The following KIF6 variants were observed in gnomAD, a reference collection of about 807,000 sequenced individuals.
KIF6 encodes kinesin-like protein KIF6.
In KIF6, 106 loss-of-function variants were observed where a neutral mutation model predicts 112.7. The observed-to-expected ratio is 0.94, with a 90% confidence interval of 0.80 to 1.11. The LOEUF (loss-of-function observed/expected upper bound fraction) is 1.11, where lower values mean the gene tolerates loss of function less well. KIF6 is among the 50% of genes least tolerant of loss of function. The pLI is 0.00. For missense variants in KIF6, 929 were observed against 964.0 expected (o/e 0.96, Z 0.48); for synonymous variants, 339 against 339.9 (o/e 1.00, Z 0.03).
At chr6:39,431,202 A>G (rs1771132283) in intron 13 of KIF6, 41 bp from the exon 14 acceptor site, 1 of 1,159,428 alleles carries the variant, frequency 8.6e-7, no homozygotes, top group Non-Finnish European at 1.3e-6. Flanking sequence ...TCACAGCATC[A>G]GGATCCTATT....
chr6:39,385,911 A>G (rs1581735073), intron 15 of KIF6, among the ~76,000 whole-genome samples: 3 of 152,210 alleles, frequency 2.0e-5, no homozygotes, highest in Admixed American at 6.5e-5. Flanking sequence ...CTTGAGTTCA[A>G]TCATCTTAGG....
At chr6:39,495,713 C>CT (rs1229864300) in intron 13 of KIF6, among the ~76,000 whole-genome samples, 1 of 152,116 alleles carries the variant, frequency 6.6e-6, no homozygotes, top group Non-Finnish European at 1.5e-5. Context: ...CAGAGTATGA[C>CT]TTTTTTACGG....
intron 13 of KIF6, among the ~76,000 whole-genome samples, chr6:39,448,921 C>G (rs1490523379): frequency 6.6e-6 from 1 of 152,134 alleles, no homozygotes; most frequent in Non-Finnish European, 1.5e-5. Context: ...CCAAGCTGTT[C>G]CCCCTAATTG....
At chr6:39,433,698 C>T (rs1374049298) in intron 13 of KIF6, among the ~76,000 whole-genome samples, 3 of 152,184 alleles carry the variant, frequency 2.0e-5, no homozygotes, top group African/African-American at 7.2e-5. Context: ...GGTGAGGTGG[C>T]TGAAGCATAG....
chr6:39,629,739 T>C (rs1222426968), intron 5 of KIF6, among the ~76,000 whole-genome samples: 3 of 152,070 alleles, frequency 2.0e-5, no homozygotes, highest in Non-Finnish European at 2.9e-5. Context: ...CTTTTGGTGT[T>C]GCATCTAAAA....
At chr6:39,562,159 A>G (rs1780041051) in intron 10 of KIF6, among the ~76,000 whole-genome samples, 4 of 152,324 alleles carry the variant, frequency 2.6e-5, no homozygotes, top group South Asian at 4.1e-4. Flanking sequence ...TACTGGCATG[A>G]ACTCATGAGT....
At chr6:39,470,517 T>G (rs889956952) in intron 13 of KIF6, among the ~76,000 whole-genome samples, 9 of 152,156 alleles carry the variant, frequency 5.9e-5, no homozygotes, top group African/African-American at 2.2e-4. Flanking sequence ...CAAGATTATC[T>G]AAGAAGGATG....
intron 13 of KIF6, among the ~76,000 whole-genome samples, chr6:39,539,177 C>A (rs1778637481): frequency 6.6e-6 from 1 of 151,268 alleles, no homozygotes. Flanking sequence ...TGTAACTAAC[C>A]TGCATATTGT....
intron 10 of KIF6, among the ~76,000 whole-genome samples, chr6:39,577,531 T>C (rs1781038756): frequency 6.6e-6 from 1 of 152,224 alleles, no homozygotes; most frequent in Admixed American, 6.5e-5. Context: ...GCTGCAAATC[T>C]AAAGGCTCTG....
At chr6:39,414,741 A>G (rs765558412) in intron 15 of KIF6, among the ~76,000 whole-genome samples, 2 of 152,240 alleles carry the variant, frequency 1.3e-5, no homozygotes, top group Non-Finnish European at 2.9e-5. Flanking sequence ...GGGAAACTGA[A>G]TAACAACTGA....
At chr6:39,571,941 C>T (rs1199963341) in intron 10 of KIF6, among the ~76,000 whole-genome samples, 2 of 143,732 alleles carry the variant, frequency 1.4e-5, no homozygotes, top group Admixed American at 7.2e-5. Flanking sequence ...TTCCTCTTGA[C>T]ATCCTTTAGA....
At chr6:39,532,301 A>T (rs1306000262) in intron 13 of KIF6, among the ~76,000 whole-genome samples, 8 of 152,204 alleles carry the variant, frequency 5.3e-5, no homozygotes, top group Admixed American at 6.5e-5. Context: ...CTAGAATAGT[A>T]CCTGATGTAT....
At chr6:39,541,016 C>T (rs957226174) in intron 12 of KIF6, among the ~76,000 whole-genome samples, 7 of 152,174 alleles carry the variant, frequency 4.6e-5, no homozygotes, top group African/African-American at 1.7e-4. Context: ...ACTGTAACCC[C>T]TACTGAGAAT....
chr6:39,393,199 G>A (rs755423101), intron 15 of KIF6, among the ~76,000 whole-genome samples: 10 of 152,200 alleles, frequency 6.6e-5, no homozygotes, highest in Non-Finnish European at 1.2e-4. Flanking sequence ...GTCATAAGAA[G>A]ACAAAGAGCA....
At chr6:39,455,535 G>C (rs1773018983) in intron 13 of KIF6, among the ~76,000 whole-genome samples, 1 of 152,174 alleles carries the variant, frequency 6.6e-6, no homozygotes, top group South Asian at 2.1e-4. Flanking sequence ...ATTTTGACGA[G>C]CTGAAGGAAG....
In KIF6 at chr6:39,544,562, G is replaced by A. The variant is rs139539539; in HGVS notation, c.1419C>T (p.Asn473=). The A allele has an allele frequency of 5.3e-4, 855 of 1,611,352 alleles. 3 individuals are homozygous for A. Among genetic ancestry groups the A allele is most frequent in the Non-Finnish European group, 6.1e-4 (722 of 1,178,976 alleles). The change falls in exon 12 of 23, where the codon AAC becomes AAT. Residue 473 remains asparagine (N), a synonymous_variant. Coordinates refer to ENST00000287152, the MANE Select transcript of KIF6 (RefSeq NM_145027.6). The stretch of plus-strand genomic sequence containing the variant: ...TCACTTCAGAAAGGATACTGATTTC[G>A]TTATCTCTCTGTTTCAGAATATCTC... ...KLRDILKQRD[N]EINILVNMLK... is the part of the protein sequence containing the mutation.
Position 39,334,616 on chromosome 6 carries a change from A to G in KIF6, c.*1916T>C, listed in dbSNP as rs1177519767. 1 of 152,212 alleles carries G rather than the reference A, an allele frequency of 6.6e-6. No homozygotes were observed. Among genetic ancestry groups the G allele is most frequent in the Non-Finnish European group, 1.5e-5 (1 of 68,096 alleles). The allele number at this position is 152,212 out of a possible 1,614,324, so 9.4% of individuals were successfully genotyped here. A position where few individuals can be genotyped will look rare whatever the true frequency, so the allele number is the denominator to read the frequency against. On this transcript the variant is annotated 3_prime_UTR_variant, in exon 23 of 23. Coordinates refer to ENST00000287152, the MANE Select transcript of KIF6 (RefSeq NM_145027.6). ...TGACAGAGACCCCCCCCATCTCAAA[A>G]AATAAATAAAAGAAAGTAAAAATAA...
At chr6:39,429,822 C>G (rs900506126) in intron 14 of KIF6, among the ~76,000 whole-genome samples, 1 of 151,908 alleles carries the variant, frequency 6.6e-6, no homozygotes, top group Non-Finnish European at 1.5e-5. Context: ...GCAGGAGAAT[C>G]GCTTGAACCC....
chr6:39,382,801 C>T (rs969731360), intron 16 of KIF6, among the ~76,000 whole-genome samples: 2 of 151,922 alleles, frequency 1.3e-5, no homozygotes, highest in Non-Finnish European at 2.9e-5. Context: ...TATAAATATA[C>T]CCTTTTCTGT....
Sources: allele counts gnomAD v4.1 joint callset (sites outside exome capture counted in the v4.1 genomes callset), GRCh38; gene constraint gnomAD v4.1.1; transcripts MANE v1.5; gene names NCBI Gene and HGNC (gene_info 2026-07-23, HGNC 2026-07-21).